Variants in ANAPC2 observed in about 807,000 individuals in gnomAD.
ANAPC2 encodes anaphase-promoting complex subunit 2.
In ANAPC2, 29 loss-of-function variants were observed where a neutral mutation model predicts 84.3. That is an observed-to-expected ratio of 0.34 (90% CI 0.26 to 0.47). The LOEUF (loss-of-function observed/expected upper bound fraction) is 0.47, where lower values mean the gene tolerates loss of function less well. Ranked by LOEUF, ANAPC2 falls within the 20% of genes least tolerant of loss-of-function variation. The pLI is 1.00. For synonymous variants in ANAPC2, 571 were observed against 479.4 expected (o/e 1.19, Z -2.50); for missense variants, 857 against 1,131.7 (o/e 0.76, Z 3.48).
At chr9:137,180,056 G>A (rs547922084) in intron 10 of ANAPC2, 125 bp downstream of exon 10, 11 of 1,098,192 alleles carry the variant, frequency 1.0e-5, no homozygotes, top group Middle Eastern at 2.9e-4. Flanking sequence ...AGGCGGCTGC[G>A]AGACAGGACC....
chr9:137,176,054 C>T (rs1012529106), intron 10 of ANAPC2: 18 of 527,504 alleles, frequency 3.4e-5, no homozygotes, highest in African/African-American at 1.2e-4. Context: ...AGGTGTGTCC[C>T]GAAAAGGCTA....
intron 3 of ANAPC2, 106 bp downstream of exon 3, chr9:137,186,118 C>T: frequency 6.6e-7 from 1 of 1,504,002 alleles, no homozygotes; most frequent in South Asian, 1.3e-5. Context: ...GGTCTGGGCC[C>T]ACCCAGGCCT....
In ANAPC2 at chr9:137,187,222, A is replaced by C. The variant is rs544283428; in HGVS notation, c.740+259T>G. ...AGAGTCCAGGAAGTTTGGAGTTGCT[A>C]AGAAATTTGCTGCTGCAGACACAAG... On this transcript the variant is annotated intron_variant, in intron 2 of 12. Coordinates refer to ENST00000323927, the MANE Select transcript of ANAPC2 (RefSeq NM_013366.4). The C allele has an allele frequency of 1.0e-4, 51 of 496,616 alleles. No homozygotes were observed. The South Asian group carries it at 1.5e-3, about 14-fold the overall frequency. 30.8% of individuals were successfully genotyped at this position (496,616 alleles called of 1,614,324 possible).
intron 4 of ANAPC2, 29 bp downstream of exon 4, chr9:137,184,884 A>G: frequency 3.1e-6 from 5 of 1,607,002 alleles, no homozygotes; most frequent in Non-Finnish European, 4.2e-6. Context: ...CAGACGGGAG[A>G]GCGGACCCCA....
intron 5 of ANAPC2, 109 bp from the exon 6 acceptor site, chr9:137,183,351 C>T: frequency 2.1e-6 from 2 of 943,666 alleles, no homozygotes; most frequent in East Asian, 2.4e-5. Context: ...CTACAGGTCC[C>T]CACTGCAGCC....
intron 3 of ANAPC2, among the ~76,000 whole-genome samples, chr9:137,185,900 G>C (rs28393273): frequency 4.1e-4 from 62 of 152,356 alleles, no homozygotes; most frequent in African/African-American, 1.4e-3. Flanking sequence ...GCAAACAGGA[G>C]AAGGGGATCC....
At chr9:137,183,463 C>T (rs1015768704) in intron 5 of ANAPC2, 13 of 802,830 alleles carry the variant, frequency 1.6e-5, no homozygotes, top group Admixed American at 5.8e-5. Flanking sequence ...TCAGACCTAC[C>T]GGTCAGTCCT....
intron 2 of ANAPC2, 61 bp downstream of exon 2, chr9:137,187,420 C>T: frequency 1.9e-6 from 3 of 1,545,222 alleles, no homozygotes; most frequent in Non-Finnish European, 2.6e-6. Flanking sequence ...CCAGCTGGAC[C>T]CAGGGGAGCA....
chr9:137,185,193 G>C (rs116546976), intron 3 of ANAPC2, 106 bp from the exon 4 acceptor site: 3 of 1,270,266 alleles, frequency 2.4e-6, no homozygotes, highest in Non-Finnish European at 2.1e-6. Context: ...GGCCGGGACC[G>C]AGGGGAGCCC....
At position 137,188,491 on chromosome 9, in the gene ANAPC2, G is replaced by A; in HGVS notation, c.42C>T (p.Ser14=). 6 of 1,610,094 alleles carry A rather than the reference G, an allele frequency of 3.7e-6. No homozygotes were observed. The highest frequency in any genetic ancestry group is 5.1e-6 in the Non-Finnish European group (6 of 1,179,514). The change falls in exon 1 of 13, where the codon TCC becomes TCT. Residue 14 remains serine (S), a synonymous_variant. Transcript: ENST00000323927. ...AVVVAEGDSD[S]RPGQELLVAW... ...CCACTAACAACTCCTGTCCGGGCCG[G>A]GAGTCGCTGTCCCCCTCCGCCACCA...
intron 4 of ANAPC2, among the ~76,000 whole-genome samples, chr9:137,184,244 C>G (rs1209745954): frequency 2.0e-5 from 3 of 151,958 alleles, no homozygotes; most frequent in African/African-American, 7.3e-5. Flanking sequence ...CCCTGGGAGC[C>G]CCAGATGCAG....
chr9:137,179,761 G>C (rs186678324), intron 10 of ANAPC2, among the ~76,000 whole-genome samples: 23 of 152,330 alleles, frequency 1.5e-4, no homozygotes, highest in African/African-American at 2.9e-4. Context: ...TGCTGCCCTG[G>C]GCAGAGGGCA....
chr9:137,180,149 A>C, intron 10 of ANAPC2, 32 bp downstream of exon 10: 1 of 1,604,338 alleles, frequency 6.2e-7, no homozygotes, highest in Non-Finnish European at 8.5e-7. Flanking sequence ...AGGGGTGCCA[A>C]GAGCCCATGG....
At position 137,175,796 on chromosome 9, in the gene ANAPC2, C is replaced by A; in HGVS notation, c.1932G>T (p.Val644=). 6.2e-7 allele frequency: 1 copy of A among 1,610,050 alleles called. No homozygotes were observed. Among genetic ancestry groups the A allele is most frequent in the South Asian group, 1.1e-5 (1 of 90,444 alleles). Residue 644 remains valine (V), a synonymous_variant, in exon 11 of 13, where the codon GTG becomes GTT. Transcript: ENST00000323927. ...TLSWKHTLGL[V]TMDVELADRT... is the part of the protein sequence containing the mutation. ...GGTCGGCCAGCTCCACGTCCATGGT[C>A]ACCAGGCCCAGGGTGTGCTTCCAAC...
intron 6 of ANAPC2, 116 bp from the exon 7 acceptor site, chr9:137,181,978 C>A: frequency 8.8e-7 from 1 of 1,136,072 alleles, no homozygotes; most frequent in South Asian, 1.6e-5. Context: ...CCTCTACACT[C>A]AGTGGTGATG....
chr9:137,184,388 C>T (rs1171782530), intron 4 of ANAPC2, among the ~76,000 whole-genome samples: 3 of 145,190 alleles, frequency 2.1e-5, no homozygotes, highest in Non-Finnish European at 4.5e-5. Flanking sequence ...GGTGAAGGCA[C>T]GGGGAGCCCA....
In ANAPC2 at chr9:137,174,945, G is replaced by A; in HGVS notation, c.2466C>T (p.Ser822=). 6.4e-7 allele frequency: 1 copy of A among 1,561,892 alleles called. No homozygotes were observed. The highest frequency in any genetic ancestry group is 8.7e-7 in the Non-Finnish European group (1 of 1,154,858). The change falls in exon 13 of 13, where the codon AGC becomes AGT. Residue 822 remains serine (S), a synonymous_variant. Transcript: ENST00000323927. The surrounding 1 kb of genome is among the most constrained non-coding windows in gnomAD (Gnocchi z 6.1). ...AGVYRLPKNC[S] is the part of the protein sequence containing the mutation. The stretch of plus-strand genomic sequence containing the variant: ...GGGCGGGCGGGCGGGCGATGTGTCA[G>A]CTGCAGTTCTTGGGCAGGCGGTAGA...
At chr9:137,186,187 T>C (rs748002690) in intron 3 of ANAPC2, 37 bp downstream of exon 3, 13 of 1,602,998 alleles carry the variant, frequency 8.1e-6, no homozygotes, top group Non-Finnish European at 1.1e-5. Context: ...TACTCCCCTG[T>C]CTCCAGCGGG....
chr9:137,175,198 C>T (rs148909756), intron 12 of ANAPC2, 39 bp downstream of exon 12: 13 of 1,604,268 alleles, frequency 8.1e-6, no homozygotes, highest in Non-Finnish European at 1.1e-5. Context: ...GCAGGCCTCG[C>T]CCCCGCCCCC....
Sources: allele counts gnomAD v4.1 joint callset (sites outside exome capture counted in the v4.1 genomes callset), GRCh38; gene constraint gnomAD v4.1.1; non-coding constraint Gnocchi (gnomAD v3.1); transcripts MANE v1.5; gene names NCBI Gene and HGNC (gene_info 2026-07-23, HGNC 2026-07-21).